Variants in AUTS2 observed in about 807,000 individuals in gnomAD.
AUTS2 encodes activator of transcription and developmental regulator AUTS2, also known as autism susceptibility gene 2 protein.
AUTS2 carries 17 observed loss-of-function variants against 112.4 expected under a neutral mutation model. The ratio of observed to expected loss-of-function variants is 0.15; its 90% CI spans 0.10 to 0.23. The LOEUF (loss-of-function observed/expected upper bound fraction) is 0.23. AUTS2 is among the 10% of genes least tolerant of loss of function. The pLI, the probability that AUTS2 is intolerant of heterozygous loss-of-function variation, is 1.00. For missense variants in AUTS2, 1,510 were observed against 1,701.6 expected (o/e 0.89, Z 1.98); for synonymous variants, 751 against 702.7 (o/e 1.07, Z -1.09).
intron 6 of AUTS2, among the ~76,000 whole-genome samples, chr7:70,708,014 A>G (rs763913890): frequency 2.0e-5 from 3 of 152,116 alleles, no homozygotes; most frequent in East Asian, 1.9e-4. Flanking sequence ...TTGCTTTTCT[A>G]AGAGTCCTTT....
intron 4 of AUTS2, among the ~76,000 whole-genome samples, chr7:70,259,918 C>T (rs181967800): frequency 2.7e-4 from 40 of 149,614 alleles, no homozygotes; most frequent in Non-Finnish European, 3.0e-4. Flanking sequence ...GAAAGAGGTC[C>T]CAAGAGCATA....
chr7:70,592,972 C>T (rs1387592866), intron 5 of AUTS2, among the ~76,000 whole-genome samples: 2 of 152,136 alleles, frequency 1.3e-5, no homozygotes, highest in Non-Finnish European at 2.9e-5. Flanking sequence ...ACCTCAGTCT[C>T]CTGAGTAGCT....
chr7:69,609,028 A>T (rs1419808127), intron 1 of AUTS2, among the ~76,000 whole-genome samples: 1 of 152,176 alleles, frequency 6.6e-6, no homozygotes, highest in Non-Finnish European at 1.5e-5. Context: ...GTGCTTTCTA[A>T]GCCGTGTGGC....
At chr7:70,676,460 A>G (rs570836620) in intron 5 of AUTS2, among the ~76,000 whole-genome samples, 133 of 151,278 alleles carry the variant, frequency 8.8e-4, no homozygotes, top group Non-Finnish European at 1.6e-3. Flanking sequence ...GAGAGAGAGA[A>G]AAGATGTAGA....
At chr7:69,815,338 C>G (rs998774406) in intron 1 of AUTS2, among the ~76,000 whole-genome samples, 3 of 151,830 alleles carry the variant, frequency 2.0e-5, no homozygotes, top group Admixed American at 6.6e-5. Flanking sequence ...ATCTATATAT[C>G]TATATCTCCT....
At chr7:70,131,940 G>A (rs1806294286) in intron 3 of AUTS2, among the ~76,000 whole-genome samples, 1 of 151,678 alleles carries the variant, frequency 6.6e-6, no homozygotes, top group Non-Finnish European at 1.5e-5. Flanking sequence ...GACTAGACAA[G>A]CAGAAGTCTC....
intron 1 of AUTS2, among the ~76,000 whole-genome samples, chr7:69,720,117 G>A (rs1562834679): frequency 6.6e-6 from 1 of 152,178 alleles, no homozygotes; most frequent in African/African-American, 2.4e-5. Flanking sequence ...GCATGGTAAT[G>A]TGTGTAAGAA....
intron 6 of AUTS2, among the ~76,000 whole-genome samples, chr7:70,744,394 C>T (rs1361674396): frequency 6.6e-6 from 1 of 152,160 alleles, no homozygotes; most frequent in African/African-American, 2.4e-5. Flanking sequence ...AGCTGAATGC[C>T]CTCTGTTTCA....
chr7:69,649,170 G>T (rs1052827004), intron 1 of AUTS2, among the ~76,000 whole-genome samples: 4 of 152,148 alleles, frequency 2.6e-5, no homozygotes, highest in Non-Finnish European at 4.4e-5. Context: ...ACTACACTTT[G>T]TCTCGGACCT....
intron 4 of AUTS2, among the ~76,000 whole-genome samples, chr7:70,174,274 T>A (rs1808867338): frequency 6.6e-6 from 1 of 152,224 alleles, no homozygotes; most frequent in Non-Finnish European, 1.5e-5. Context: ...TACAAGGCTC[T>A]CTGTTCAATT....
Position 70,426,913 on chromosome 7 carries a change from C to T in AUTS2, c.661-8839C>T, listed in dbSNP as rs1039127453. Among the ~76,000 whole-genome samples, 13 of 152,098 alleles carry T rather than the reference C, an allele frequency of 8.5e-5. 1 individual carries two copies. The highest frequency in any genetic ancestry group is 3.3e-4 in the Admixed American group (5 of 15,276). On this transcript the variant is annotated intron_variant, in intron 4 of 18. Coordinates refer to ENST00000342771, the MANE Select transcript of AUTS2 (RefSeq NM_015570.4). ...ACCCATAACATACTTTTCCTTTTTA[C>T]TCATCAGCAAATTTGGGTTTTATTA...
chr7:69,629,892 A>T (rs983178971), intron 1 of AUTS2, among the ~76,000 whole-genome samples: 3 of 152,048 alleles, frequency 2.0e-5, no homozygotes, highest in Non-Finnish European at 4.4e-5. Context: ...GGATTTTTAA[A>T]ATTTCAGTTT....
chr7:69,844,320 A>G (rs955768526), intron 1 of AUTS2, among the ~76,000 whole-genome samples: 134 of 152,320 alleles, frequency 8.8e-4, no homozygotes, highest in African/African-American at 3.1e-3. Context: ...GGTTATTGCT[A>G]TAAGGAAACC....
chr7:69,951,894 C>A lies in AUTS2; in HGVS notation c.522+52396C>A, dbSNP rs1333163128. ...TGTTGGGTCCATTTGAAGGCTTCTT[C>A]CCCTGGCTCAAAATCTGGAAAACTG... On this transcript the variant is annotated intron_variant, in intron 2 of 18. Coordinates refer to ENST00000342771, the MANE Select transcript of AUTS2 (RefSeq NM_015570.4). 3.3e-5 allele frequency among the ~76,000 whole-genome samples: 5 copies of A among 152,102 alleles called. No homozygotes were observed. The East Asian group carries it at 9.6e-4, about 29-fold the overall frequency.
At chr7:70,733,747 C>T (rs1017455244) in intron 6 of AUTS2, among the ~76,000 whole-genome samples, 3 of 151,948 alleles carry the variant, frequency 2.0e-5, no homozygotes, top group African/African-American at 7.2e-5. Context: ...CCACCACACC[C>T]TGATAATTTT....
intron 15 of AUTS2, 144 bp from the exon 16 acceptor site, chr7:70,784,798 C>G (rs1791334961): frequency 1.5e-5 from 7 of 465,848 alleles, no homozygotes; most frequent in East Asian, 8.9e-5. Flanking sequence ...TACCCTGTGT[C>G]TTGCCTGCAG....
At chr7:70,315,522 C>G (rs564605053) in intron 4 of AUTS2, among the ~76,000 whole-genome samples, 5 of 152,194 alleles carry the variant, frequency 3.3e-5, no homozygotes, top group Non-Finnish European at 7.3e-5. Context: ...TCCCACTGTT[C>G]ATGCTCTTAC....
intron 3 of AUTS2, among the ~76,000 whole-genome samples, chr7:70,126,364 G>T (rs1805970765): frequency 6.6e-6 from 1 of 152,074 alleles, no homozygotes; most frequent in Non-Finnish European, 1.5e-5. Context: ...AGCCGAGATT[G>T]TGCCACTGCA....
intron 4 of AUTS2, among the ~76,000 whole-genome samples, chr7:70,233,899 A>G (rs1006350370): frequency 2.4e-4 from 37 of 152,382 alleles, no homozygotes; most frequent in African/African-American, 8.9e-4. Context: ...AAATTTGCTC[A>G]GTGTCTGCAA....
Sources: allele counts gnomAD v4.1 joint callset (sites outside exome capture counted in the v4.1 genomes callset), GRCh38; gene constraint gnomAD v4.1.1; transcripts MANE v1.5; gene names NCBI Gene and HGNC (gene_info 2026-07-23, HGNC 2026-07-21).